The following CFAP299 variants were observed in gnomAD, a reference collection of about 807,000 sequenced individuals.
CFAP299 encodes the protein cilia and flagella associated protein 299.
In CFAP299, 21 loss-of-function variants were observed where a neutral mutation model predicts 27.0. The observed-to-expected ratio is 0.78, with a 90% CI of 0.55 to 1.12. The LOEUF is 1.12. CFAP299 is among the 50% of genes most tolerant of loss of function. CFAP299 has a pLI of 0.00. For synonymous variants in CFAP299, 104 were observed against 98.1 expected, an observed-to-expected ratio of 1.06 and a Z score of -0.36; for missense variants, 310 against 276.6, an observed-to-expected ratio of 1.12 and a Z score of -0.86.
chr4:80,949,219 G>A (rs1309409757), intron 5 of CFAP299, among the ~76,000 whole-genome samples: 1 of 152,158 alleles, frequency 6.6e-6, no homozygotes, highest in African/African-American at 2.4e-5. Flanking sequence ...GTCACATGGG[G>A]AGGTGAAGAT....
At chr4:80,791,327 A>G (rs1414451298) in intron 3 of CFAP299, among the ~76,000 whole-genome samples, 1 of 152,042 alleles carries the variant, frequency 6.6e-6, no homozygotes. Flanking sequence ...TTAGCTGGGT[A>G]AACTTGGGCA....
intron 3 of CFAP299, among the ~76,000 whole-genome samples, chr4:80,742,828 A>C (rs1227080688): frequency 1.3e-5 from 2 of 152,224 alleles, no homozygotes; most frequent in Non-Finnish European, 2.9e-5. Flanking sequence ...TTCAGTTGAC[A>C]TGTAGACACC....
intron 2 of CFAP299, among the ~76,000 whole-genome samples, chr4:80,443,763 A>G (rs1317596067): frequency 6.6e-6 from 1 of 152,186 alleles, no homozygotes; most frequent in Non-Finnish European, 1.5e-5. Flanking sequence ...AGATGACATG[A>G]TTGTATATTT....
At chr4:80,673,255 A>G (rs1741610000) in intron 3 of CFAP299, among the ~76,000 whole-genome samples, 2 of 151,996 alleles carry the variant, frequency 1.3e-5, no homozygotes, top group South Asian at 4.2e-4. Flanking sequence ...TTCTGCCTTC[A>G]TTTCGTTATT....
At chr4:80,880,730 A>T (rs986757362) in intron 4 of CFAP299, among the ~76,000 whole-genome samples, 1 of 151,518 alleles carries the variant, frequency 6.6e-6, no homozygotes, top group Non-Finnish European at 1.5e-5. Context: ...CGTCTCAAAA[A>T]ATAAAATAAA....
intron 1 of CFAP299, among the ~76,000 whole-genome samples, chr4:80,337,099 G>C (rs1343804055): frequency 2.0e-5 from 3 of 152,144 alleles, no homozygotes; most frequent in African/African-American, 7.2e-5. Flanking sequence ...TATATTTAAA[G>C]TCATAAAAGT....
chr4:80,963,432 A>G (rs1317584686), intron 5 of CFAP299, 85 bp from the exon 6 acceptor site: 4 of 771,290 alleles, frequency 5.2e-6, no homozygotes, highest in African/African-American at 4.5e-5. Flanking sequence ...TTTCTGCAAT[A>G]TAAAGCAAAA....
chr4:80,754,052 T>A (rs1725089824), intron 3 of CFAP299, among the ~76,000 whole-genome samples: 1 of 152,180 alleles, frequency 6.6e-6, no homozygotes, highest in Non-Finnish European at 1.5e-5. Flanking sequence ...TGGTTTTTTG[T>A]ATGCCTCGCA....
intron 2 of CFAP299, among the ~76,000 whole-genome samples, chr4:80,400,201 A>G (rs767755371): frequency 5.9e-5 from 9 of 152,188 alleles, no homozygotes; most frequent in Non-Finnish European, 1.2e-4. Flanking sequence ...TATTTTGTAT[A>G]TGATATAATA....
intron 4 of CFAP299, among the ~76,000 whole-genome samples, chr4:80,941,890 T>A (rs372889745): frequency 6.6e-6 from 1 of 152,166 alleles, no homozygotes. Flanking sequence ...CAGTCACTAT[T>A]GTGAGGACAG....
intron 3 of CFAP299, among the ~76,000 whole-genome samples, chr4:80,825,525 G>A (rs374502925): frequency 4.5e-4 from 68 of 152,006 alleles, no homozygotes; most frequent in African/African-American, 1.4e-3. Flanking sequence ...ACATACAAGA[G>A]ATTTTCAGCA....
chr4:80,737,181 G>T (rs1172528210), intron 3 of CFAP299, among the ~76,000 whole-genome samples: 1 of 129,226 alleles, frequency 7.7e-6, no homozygotes, highest in East Asian at 2.8e-4. Context: ...GGGGAGGGGG[G>T]AGGGATAGCA....
At chr4:80,868,167 G>A (rs910271328) in intron 3 of CFAP299, among the ~76,000 whole-genome samples, 1 of 152,038 alleles carries the variant, frequency 6.6e-6, no homozygotes, top group South Asian at 2.1e-4. Flanking sequence ...TTTTATTTAA[G>A]AAGCCATTAT....
intron 3 of CFAP299, among the ~76,000 whole-genome samples, chr4:80,775,414 T>A (rs903884802): frequency 2.6e-5 from 4 of 152,088 alleles, no homozygotes; most frequent in African/African-American, 7.2e-5. Flanking sequence ...ATATTTAATT[T>A]ATTTATTTAT....
chr4:80,799,349 ATG>A (rs1312344485), intron 3 of CFAP299, among the ~76,000 whole-genome samples: 1 of 95,778 alleles, frequency 1.0e-5, no homozygotes, highest in Non-Finnish European at 1.8e-5. Context: ...ATATATATAA[ATG>A]TATTTATATA....
chr4:80,593,112 G>C (rs1269006272), intron 3 of CFAP299, among the ~76,000 whole-genome samples: 1 of 152,112 alleles, frequency 6.6e-6, no homozygotes, highest in Non-Finnish European at 1.5e-5. Flanking sequence ...TCTTCACAGG[G>C]TTGTTCTGTG....
intron 3 of CFAP299, among the ~76,000 whole-genome samples, chr4:80,807,015 A>C (rs1560422609): frequency 1.3e-5 from 2 of 152,192 alleles, no homozygotes; most frequent in Admixed American, 6.5e-5. Flanking sequence ...CTTATTCATG[A>C]ACTGTCAAGA....
chr4:80,408,930 ATTAG>A (rs1726570306), intron 2 of CFAP299, among the ~76,000 whole-genome samples: 1 of 151,778 alleles, frequency 6.6e-6, no homozygotes, highest in African/African-American at 2.4e-5. Context: ...ATCTTGAAAA[ATTAG>A]CCAGGCATTG....
chr4:80,802,049 C>T (rs1728640094), intron 3 of CFAP299, among the ~76,000 whole-genome samples: 1 of 152,052 alleles, frequency 6.6e-6, no homozygotes, highest in Non-Finnish European at 1.5e-5. Flanking sequence ...AAACACTCTA[C>T]TTTTCAAAAC....
Sources: allele counts gnomAD v4.1 joint callset (sites outside exome capture counted in the v4.1 genomes callset), GRCh38; gene constraint gnomAD v4.1.1; transcripts MANE v1.5; gene names NCBI Gene and HGNC (gene_info 2026-07-23, HGNC 2026-07-21).